The following SGPP1 variants were observed in gnomAD, a reference collection of about 807,000 sequenced individuals.
SGPP1 encodes the protein hSPP1.
A neutral mutation model predicts 33.0 loss-of-function variants in SGPP1; 21 were observed. That is an observed-to-expected ratio of 0.64 (90% CI 0.45 to 0.92). The LOEUF is 0.92. SGPP1 is among the 40% of genes least tolerant of loss of function. SGPP1 has a pLI of 0.00. For synonymous variants in SGPP1, 239 were observed against 241.2 expected (o/e 0.99, Z 0.08); for missense variants, 543 against 589.4 (o/e 0.92, Z 0.81).
chr14:63,727,928 C>T lies in SGPP1; in HGVS notation c.17G>A (p.Arg6His). ...CAGACGGCCAACCAGCTGGGCCAGG[C>T]GCTGCCTCAGCGACATGATAACGGA... is the stretch of plus-strand genomic sequence containing the variant. MSLRQ[R>H]LAQLVGRLQD... Residue 6 changes from arginine to histidine, a missense_variant, in exon 1 of 3, where the codon CGC becomes CAC. Coordinates refer to ENST00000247225, the MANE Select transcript of SGPP1 (RefSeq NM_030791.4). The T allele has an allele frequency of 6.5e-7, 1 of 1,545,166 alleles. No homozygotes were observed. The highest frequency in any genetic ancestry group is 1.8e-4 in the Middle Eastern group (1 of 5,488).
At chr14:63,726,637 A>C (rs1389732895) in intron 1 of SGPP1, among the ~76,000 whole-genome samples, 1 of 152,222 alleles carries the variant, frequency 6.6e-6, no homozygotes, top group Non-Finnish European at 1.5e-5. Flanking sequence ...ACTACAGATT[A>C]GTGATCCAGA....
At chr14:63,719,737 C>CTA (rs900066537) in intron 1 of SGPP1, among the ~76,000 whole-genome samples, 8 of 141,944 alleles carry the variant, frequency 5.6e-5, no homozygotes, top group South Asian at 4.3e-4. Context: ...CTCTCTCTCT[C>CTA]TATATATATA....
At chr14:63,694,230 C>T (rs766739239) in intron 2 of SGPP1, among the ~76,000 whole-genome samples, 24 of 151,326 alleles carry the variant, frequency 1.6e-4, no homozygotes, top group Non-Finnish European at 2.2e-4. Context: ...GCAGAGATTA[C>T]GCCACTGCAC....
chr14:63,700,039 T>G (rs755388970), intron 1 of SGPP1, among the ~76,000 whole-genome samples: 8 of 151,976 alleles, frequency 5.3e-5, no homozygotes, highest in Admixed American at 2.0e-4. Flanking sequence ...CATGGCTCAC[T>G]GCAGTCTCAA....
intron 1 of SGPP1, among the ~76,000 whole-genome samples, chr14:63,706,143 A>C (rs2139642849): frequency 6.6e-6 from 1 of 152,352 alleles, no homozygotes; most frequent in East Asian, 1.9e-4. Flanking sequence ...GATGAACTTA[A>C]AAAACATTAT....
intron 1 of SGPP1, among the ~76,000 whole-genome samples, chr14:63,722,971 C>CA (rs780291066): frequency 0.03 from 2,094 of 68,700 alleles, 39 homozygotes; most frequent in African/African-American, 0.085. Context: ...GACCCTGTCT[C>CA]AAAAAAAAAA....
intron 1 of SGPP1, among the ~76,000 whole-genome samples, chr14:63,715,147 G>A (rs1302934526): frequency 6.6e-6 from 1 of 151,066 alleles, no homozygotes; most frequent in Non-Finnish European, 1.5e-5. Flanking sequence ...CCAAGTAGTT[G>A]GGATTACAGG....
rs550019887 is a variant in SGPP1, at chr14:63,723,503, G to A, written c.684+3758C>T. ...TGGGAGGCTGAGGGGAGTGGATCAC[G>A]AGGTCAAGAGATCGAGACCATCCTG... On this transcript the variant is annotated intron_variant, in intron 1 of 2. Transcript: ENST00000247225. Among the ~76,000 whole-genome samples, 9 of 152,182 alleles carry A rather than the reference G, an allele frequency of 5.9e-5. No individual in the cohort carries two copies. The South Asian group carries it at 1.9e-3, about 32-fold the overall frequency.
intron 1 of SGPP1, among the ~76,000 whole-genome samples, chr14:63,725,102 G>A (rs1338405374): frequency 6.6e-6 from 1 of 152,214 alleles, no homozygotes; most frequent in Non-Finnish European, 1.5e-5. Context: ...GCCAGGCGCA[G>A]TGGCTCACGC....
intron 2 of SGPP1, among the ~76,000 whole-genome samples, chr14:63,690,951 G>T (rs1885082394): frequency 6.6e-6 from 1 of 152,130 alleles, no homozygotes; most frequent in Non-Finnish European, 1.5e-5. Context: ...CTGACCTCAG[G>T]TAATCTGTCC....
At chr14:63,698,389 T>C (rs1885229963) in intron 2 of SGPP1, among the ~76,000 whole-genome samples, 180 bp downstream of exon 2, 1 of 152,234 alleles carries the variant, frequency 6.6e-6, no homozygotes, top group South Asian at 2.1e-4. Context: ...CTATGAAATA[T>C]GTGACTACTA....
chr14:63,704,377 A>G (rs953483807), intron 1 of SGPP1, among the ~76,000 whole-genome samples: 3 of 152,222 alleles, frequency 2.0e-5, no homozygotes, highest in Admixed American at 1.3e-4. Flanking sequence ...CGTATGGTTA[A>G]CTGATTTTCA....
Position 63,720,056 on chromosome 14 carries a change from G to C in SGPP1, c.684+7205C>G, listed in dbSNP as rs1039087397. On this transcript the variant is annotated intron_variant, in intron 1 of 2. Transcript: ENST00000247225. Reference sequence around the variant, plus strand: ...CAGGAGAATTGCTTGAACCCAGGAGGGGGAGGTTGCAGTGAGCAAAGATGG... The same window carrying C: ...CAGGAGAATTGCTTGAACCCAGGAGCGGGAGGTTGCAGTGAGCAAAGATGG... Among the ~76,000 whole-genome samples the C allele has an allele frequency of 3.3e-5, 5 of 151,472 alleles. No individual in the cohort carries two copies. In the East Asian group the frequency reaches 5.8e-4, roughly 18 times the overall value.
At chr14:63,691,956 A>AG (rs1033271191) in intron 2 of SGPP1, among the ~76,000 whole-genome samples, 194 of 152,286 alleles carry the variant, frequency 1.3e-3, no homozygotes, top group Non-Finnish European at 1.7e-3. Context: ...AAAAAGAGAA[A>AG]GAAAAAAAAA....
intron 1 of SGPP1, among the ~76,000 whole-genome samples, chr14:63,711,691 A>G (rs985862845): frequency 3.9e-5 from 6 of 152,172 alleles, no homozygotes; most frequent in Non-Finnish European, 7.4e-5. Context: ...AAACTTGTCT[A>G]AAAACTACTT....
At chr14:63,711,579 G>C (rs1377626339) in intron 1 of SGPP1, among the ~76,000 whole-genome samples, 1 of 152,104 alleles carries the variant, frequency 6.6e-6, no homozygotes, top group East Asian at 1.9e-4. Flanking sequence ...CTCTTCTTTG[G>C]GGGAGGTCAG....
chr14:63,711,467 G>T (rs929687276), intron 1 of SGPP1, among the ~76,000 whole-genome samples: 1 of 152,118 alleles, frequency 6.6e-6, no homozygotes, highest in African/African-American at 2.4e-5. Flanking sequence ...CAGTTGTAGG[G>T]GCTGGCAAGT....
chr14:63,706,404 A>G (rs892131595), intron 1 of SGPP1, among the ~76,000 whole-genome samples: 1 of 152,202 alleles, frequency 6.6e-6, no homozygotes, highest in African/African-American at 2.4e-5. Flanking sequence ...TATTCACTTC[A>G]AAATTATTAA....
intron 1 of SGPP1, among the ~76,000 whole-genome samples, chr14:63,726,725 A>G (rs1885889127): frequency 6.6e-6 from 1 of 152,242 alleles, no homozygotes; most frequent in African/African-American, 2.4e-5. Flanking sequence ...ATTAACTTCC[A>G]TAAAGGGAAC....
Sources: allele counts gnomAD v4.1 joint callset (sites outside exome capture counted in the v4.1 genomes callset), GRCh38; gene constraint gnomAD v4.1.1; transcripts MANE v1.5; gene names NCBI Gene and HGNC (gene_info 2026-07-23, HGNC 2026-07-21).